CDC123: variants seen among roughly 807,000 people sequenced by gnomAD.
CDC123 encodes the protein translation initiation factor eIF2 assembly protein.
A neutral mutation model predicts 54.4 loss-of-function variants in CDC123; 37 were observed. The observed-to-expected ratio is 0.68, with a 90% CI of 0.52 to 0.89. CDC123 has a LOEUF of 0.89. CDC123 is among the 40% of genes least tolerant of loss of function. The pLI is 0.00. For synonymous variants in CDC123, 144 were observed against 136.8 expected, an observed-to-expected ratio of 1.05 and a Z score of -0.37; for missense variants, 361 against 412.1, an observed-to-expected ratio of 0.88 and a Z score of 1.07.
intron 11 of CDC123, among the ~76,000 whole-genome samples, chr10:12,248,466 C>T (rs1263254367): frequency 6.8e-6 from 1 of 147,818 alleles, no homozygotes; most frequent in Non-Finnish European, 1.5e-5. Context: ...GAGCCAAGAT[C>T]ACGCCATTGC....
At chr10:12,216,625 A>T (rs760668468) in intron 5 of CDC123, among the ~76,000 whole-genome samples, 1 of 152,154 alleles carries the variant, frequency 6.6e-6, no homozygotes, top group Admixed American at 6.5e-5. Flanking sequence ...GCTGTTTTCA[A>T]ATATTTTAGT....
intron 11 of CDC123, among the ~76,000 whole-genome samples, chr10:12,248,721 G>A (rs568581403): frequency 7.2e-5 from 11 of 151,942 alleles, no homozygotes; most frequent in Non-Finnish European, 1.2e-4. Flanking sequence ...CAGGAGAATC[G>A]CTTGAACCTG....
Position 12,246,074 on chromosome 10 carries a change from T to TA in CDC123, c.718-69dup, listed in dbSNP as rs1836131030. ...AACAGCATGAGACCCTGTCTCAGAA[T>TA]AAAAAAGTGTTTCTTTCTCAGAAGA... On this transcript the variant is annotated intron_variant, in intron 10 of 12. Coordinates refer to ENST00000281141, the MANE Select transcript of CDC123 (RefSeq NM_006023.3). 1.7e-5 allele frequency: 25 copies of TA among 1,507,704 alleles called. No homozygotes were observed. The South Asian group carries it at 2.8e-4, about 17-fold the overall frequency. 93.4% of individuals were successfully genotyped at this position (1,507,704 alleles called of 1,614,324 possible). A position where few individuals can be genotyped will look rare whatever the true frequency, so the allele number is the denominator to read the frequency against.
rs535550151 is a variant in CDC123, at chr10:12,201,423, C to T, written c.146+2647C>T. Among the ~76,000 whole-genome samples the T allele has an allele frequency of 5.9e-5, 9 of 151,812 alleles. No homozygotes were observed. The East Asian group carries it at 1.4e-3, about 23-fold the overall frequency. On this transcript the variant is annotated intron_variant, in intron 2 of 12. Coordinates refer to ENST00000281141, the MANE Select transcript of CDC123 (RefSeq NM_006023.3). ...TCGCGAGGAGGGTCGGGGAATGCTCCGAAGAAGGATCTTTGGAGCCTCTGA... is the reference window on the plus strand; with the variant it reads ...TCGCGAGGAGGGTCGGGGAATGCTCTGAAGAAGGATCTTTGGAGCCTCTGA...
intron 2 of CDC123, among the ~76,000 whole-genome samples, chr10:12,208,949 C>A (rs1487494940): frequency 5.3e-5 from 8 of 152,154 alleles, no homozygotes; most frequent in Non-Finnish European, 1.2e-4. Flanking sequence ...GCCCGCACAC[C>A]CTGTTTTCAC....
At chr10:12,211,585 G>A (rs1320173692) in intron 4 of CDC123, among the ~76,000 whole-genome samples, 1 of 152,174 alleles carries the variant, frequency 6.6e-6, no homozygotes, top group East Asian at 1.9e-4. Context: ...GCCATACTCA[G>A]GGCACTAAAC....
At chr10:12,227,945 C>G (rs371421981) in intron 6 of CDC123, among the ~76,000 whole-genome samples, 1 of 152,088 alleles carries the variant, frequency 6.6e-6, no homozygotes, top group African/African-American at 2.4e-5. Flanking sequence ...TGTGAGAGTT[C>G]ATGACCTTAA....
intron 3 of CDC123, 122 bp downstream of exon 3, chr10:12,210,146 A>G: frequency 1.4e-6 from 2 of 1,439,672 alleles, no homozygotes; most frequent in Non-Finnish European, 9.6e-7. Flanking sequence ...TGAGAATCTT[A>G]CTTTGACATA....
At chr10:12,223,469 A>G (rs541951471) in intron 6 of CDC123, among the ~76,000 whole-genome samples, 2 of 152,166 alleles carry the variant, frequency 1.3e-5, no homozygotes, top group East Asian at 1.9e-4. Flanking sequence ...TATTTTTAGT[A>G]GAGACAGGGT....
chr10:12,208,236 T>C (rs550349668), intron 2 of CDC123, among the ~76,000 whole-genome samples: 2 of 152,332 alleles, frequency 1.3e-5, no homozygotes, highest in African/African-American at 4.8e-5. Context: ...CTCAATGATA[T>C]GAGTTATTCC....
intron 10 of CDC123, among the ~76,000 whole-genome samples, chr10:12,243,922 C>T (rs974950876): frequency 3.3e-5 from 5 of 152,156 alleles, no homozygotes; most frequent in Admixed American, 1.3e-4. Context: ...AGTTGTTTGA[C>T]GGCTGATACT....
intron 12 of CDC123, 181 bp downstream of exon 12, chr10:12,249,899 T>G (rs985803093): frequency 1.3e-6 from 1 of 772,562 alleles, no homozygotes; most frequent in Non-Finnish European, 1.9e-6. Flanking sequence ...AGGCATAATT[T>G]ATTGATTAGA....
intron 4 of CDC123, among the ~76,000 whole-genome samples, chr10:12,211,847 G>A (rs1370920340): frequency 6.6e-6 from 1 of 152,200 alleles, no homozygotes; most frequent in African/African-American, 2.4e-5. Context: ...GGTGGCCGAT[G>A]CCTGTAATTC....
intron 2 of CDC123, among the ~76,000 whole-genome samples, chr10:12,202,153 G>A (rs565145355): frequency 2.6e-5 from 4 of 152,292 alleles, no homozygotes; most frequent in East Asian, 3.9e-4. Context: ...ATGATAAAAT[G>A]TATAGGTCTT....
intron 4 of CDC123, among the ~76,000 whole-genome samples, chr10:12,211,249 A>AT (rs149619244): frequency 0.011 from 23 of 2,058 alleles, no homozygotes; most frequent in African/African-American, 0.012. Context: ...CCTTGAGTTG[A>AT]CGGGAAAGTT....
In CDC123 at chr10:12,233,278, TACACAC is replaced by T. The variant is rs57596982; in HGVS notation, c.490-1737_490-1732del. 7.9e-3 allele frequency among the ~76,000 whole-genome samples: 1,156 copies of T among 145,594 alleles called. 8 individuals are homozygous for T. The highest frequency in any genetic ancestry group is 0.018 in the African/African-American group (718 of 39,712). ...TTCTCCTGTCTGTGTGTATTTAAAA[TACACAC>T]ACACACACACACACACACACACACA... On this transcript the variant is annotated intron_variant, in intron 7 of 12. Coordinates refer to ENST00000281141, the MANE Select transcript of CDC123 (RefSeq NM_006023.3).
At chr10:12,198,410 A>C (rs1835394093) in intron 1 of CDC123, among the ~76,000 whole-genome samples, 1 of 152,088 alleles carries the variant, frequency 6.6e-6, no homozygotes, top group African/African-American at 2.4e-5. Flanking sequence ...AGACACATAA[A>C]TGTTGTGCTC....
chr10:12,240,007 CAAAAAA>C (rs34192186), intron 10 of CDC123, among the ~76,000 whole-genome samples: 1 of 101,706 alleles, frequency 9.8e-6, no homozygotes, highest in Non-Finnish European at 2.0e-5. Context: ...GACTCCGTCT[CAAAAAA>C]AAAAAAAAAA....
chr10:12,207,377 G>A lies in CDC123; in HGVS notation c.147-2590G>A, dbSNP rs926203408. Among the ~76,000 whole-genome samples, 3 of 151,986 alleles carry A rather than the reference G, an allele frequency of 2.0e-5. No homozygotes were observed. The East Asian group carries it at 5.8e-4, about 29-fold the overall frequency. ...AATGGATGTGACATCTTTTATATTCGAGGATATTAATGATTTTTAAAAATA... is the reference window on the plus strand; with the variant it reads ...AATGGATGTGACATCTTTTATATTCAAGGATATTAATGATTTTTAAAAATA... On this transcript the variant is annotated intron_variant, in intron 2 of 12. Transcript: ENST00000281141.
Sources: gnomAD v4.1 joint callset for allele counts (sites outside exome capture counted in the v4.1 genomes callset) on GRCh38, gnomAD v4.1.1 for gene constraint, MANE v1.5 for transcripts, NCBI Gene and HGNC (gene_info 2026-07-23, HGNC 2026-07-21) for gene names.